The following COQ10B variants were observed in gnomAD, a reference collection of about 807,000 sequenced individuals.
The protein encoded by COQ10B is coenzyme Q-binding protein COQ10 homolog B, mitochondrial.
In COQ10B, 12 loss-of-function variants were observed where a neutral mutation model predicts 27.6. The ratio of observed to expected loss-of-function variants is 0.43; its 90% CI spans 0.28 to 0.70. The LOEUF is 0.70. COQ10B is among the 30% of genes least tolerant of loss of function. COQ10B has a pLI of 0.17. For missense variants in COQ10B, 278 were observed against 288.7 expected, an observed-to-expected ratio of 0.96 and a Z score of 0.27; for synonymous variants, 115 against 103.0, an observed-to-expected ratio of 1.12 and a Z score of -0.71.
intron 3 of COQ10B, among the ~76,000 whole-genome samples, chr2:197,465,727 A>G (rs1475840827): frequency 6.6e-6 from 1 of 152,142 alleles, no homozygotes; most frequent in African/African-American, 2.4e-5. Flanking sequence ...TACAGTGATC[A>G]TGCCTGTGAA....
chr2:197,462,934 G>A (rs1163477112), intron 3 of COQ10B, among the ~76,000 whole-genome samples: 2 of 152,064 alleles, frequency 1.3e-5, no homozygotes, highest in African/African-American at 4.8e-5. Context: ...TATGGGAATG[G>A]GAAACTTTTC....
intron 3 of COQ10B, among the ~76,000 whole-genome samples, chr2:197,464,935 G>A (rs1317488016): frequency 6.7e-6 from 1 of 148,906 alleles, no homozygotes; most frequent in African/African-American, 2.5e-5. Flanking sequence ...GTGCAGTGGC[G>A]CTTCCAGTGG....
intron 1 of COQ10B, among the ~76,000 whole-genome samples, chr2:197,458,679 T>A (rs991379922): frequency 2.6e-5 from 4 of 151,280 alleles, no homozygotes; most frequent in Non-Finnish European, 5.9e-5. Flanking sequence ...TTTTTTCTTT[T>A]CTCTTTTTTT....
In COQ10B at chr2:197,460,037, A is replaced by G; in HGVS notation, c.210A>G (p.Pro70=). The change falls in exon 2 of 5, where the codon CCA becomes CCG. Residue 70 remains proline, a synonymous_variant. Transcript: ENST00000263960. ...CARTFFKITA[P]LINKRKEYSE... is the part of the protein sequence containing the mutation. ...GAACTTTCTTCAAAATCACTGCACC[A>G]TTAATAAACAAAAGGAAAGAATATT... is the stretch of plus-strand genomic sequence containing the variant. 1.2e-6 allele frequency: 2 copies of G among 1,611,100 alleles called. No individual in the cohort carries two copies. Among genetic ancestry groups the G allele is most frequent in the Non-Finnish European group, 8.5e-7 (1 of 1,177,960 alleles).
intron 3 of COQ10B, among the ~76,000 whole-genome samples, chr2:197,467,118 T>A (rs2085832496): frequency 6.6e-6 from 1 of 151,272 alleles, no homozygotes; most frequent in South Asian, 2.1e-4. Flanking sequence ...AGCTAATTTT[T>A]GTATTTTTAG....
chr2:197,458,889 T>C (rs1277361027), intron 1 of COQ10B, among the ~76,000 whole-genome samples: 4 of 151,746 alleles, frequency 2.6e-5, no homozygotes, highest in African/African-American at 9.7e-5. Context: ...ACCATGTTAG[T>C]CAGGCTGGTC....
intron 2 of COQ10B, among the ~76,000 whole-genome samples, chr2:197,461,004 G>A (rs1235555718): frequency 6.6e-6 from 1 of 152,116 alleles, no homozygotes; most frequent in Non-Finnish European, 1.5e-5. Flanking sequence ...TTCTACAAAT[G>A]GCTCTTAATT....
chr2:197,463,964 AAT>A (rs879356506), intron 3 of COQ10B, among the ~76,000 whole-genome samples: 400 of 28,100 alleles, frequency 0.014, 6 homozygotes, highest in Middle Eastern at 0.023. Context: ...AAAAAAAAAA[AAT>A]ATATATATAT....
intron 3 of COQ10B, among the ~76,000 whole-genome samples, chr2:197,468,220 C>T (rs556064315): frequency 2.6e-5 from 4 of 151,934 alleles, no homozygotes; most frequent in Non-Finnish European, 4.4e-5. Flanking sequence ...GCGGGGGGAT[C>T]AGGAGGTCAG....
At position 197,473,861 on chromosome 2, in the gene COQ10B, G is replaced by A. The variant is rs772804354; in HGVS notation, c.654G>A (p.Lys218=). 1.2e-6 allele frequency: 2 copies of A among 1,603,642 alleles called. No homozygotes were observed. The highest frequency in any genetic ancestry group is 1.7e-6 in the Non-Finnish European group (2 of 1,173,316). ...CTGCCTTTGAAAGAAGAGCATGTAA[G>A]CTGTATGGTCCAGAAACAAATATAC... The part of the protein sequence containing the change: ...MVAAFERRAC[K]LYGPETNIPR... Residue 218 remains lysine, a synonymous_variant, in exon 5 of 5, where the codon AAG becomes AAA. Transcript: ENST00000263960.
At chr2:197,453,902 G>T in intron 1 of COQ10B, 1 of 1,501,118 alleles carries the variant, frequency 6.7e-7, no homozygotes, top group Non-Finnish European at 9.0e-7. Context: ...AATCATCGGC[G>T]AAGCGACTTT....
intron 4 of COQ10B, among the ~76,000 whole-genome samples, chr2:197,472,849 C>T (rs1471931921): frequency 6.6e-6 from 1 of 151,596 alleles, no homozygotes; most frequent in Admixed American, 6.6e-5. Context: ...ACACCATCTG[C>T]CCTGTGGGTT....
chr2:197,470,375 C>T (rs983436795), intron 4 of COQ10B, among the ~76,000 whole-genome samples: 1 of 152,184 alleles, frequency 6.6e-6, no homozygotes, highest in African/African-American at 2.4e-5. Context: ...TTGTAAGATA[C>T]ATGCCATGAC....
chr2:197,454,120 G>C, intron 1 of COQ10B: 1 of 1,550,874 alleles, frequency 6.4e-7, no homozygotes, highest in East Asian at 2.4e-5. Context: ...CTGAAAGAGT[G>C]CTTTGCCCTC....
chr2:197,466,496 A>G (rs2085826021), intron 3 of COQ10B, among the ~76,000 whole-genome samples: 3 of 152,120 alleles, frequency 2.0e-5, no homozygotes, highest in Admixed American at 2.0e-4. Context: ...TACTTGAGGG[A>G]AGGAGCCCCT....
intron 4 of COQ10B, 28 bp from the exon 5 acceptor site, chr2:197,473,714 AAAAATAATTTTTTCT>A: frequency 7.4e-7 from 1 of 1,352,834 alleles, no homozygotes; most frequent in Non-Finnish European, 9.7e-7. Flanking sequence ...AAAAAAAGCA[AAAAATAATTTTTTCT>A]AAAATAATTT....
At chr2:197,466,577 A>G (rs1241713831) in intron 3 of COQ10B, among the ~76,000 whole-genome samples, 1 of 152,220 alleles carries the variant, frequency 6.6e-6, no homozygotes, top group Non-Finnish European at 1.5e-5. Context: ...CTTACTTATG[A>G]AGCTTTCACT....
chr2:197,473,443 C>CATATATATAT (rs2085903911), intron 4 of COQ10B, among the ~76,000 whole-genome samples: 4 of 93,956 alleles, frequency 4.3e-5, no homozygotes. Context: ...TATATATATA[C>CATATATATAT]ACATATATAC....
intron 4 of COQ10B, among the ~76,000 whole-genome samples, chr2:197,470,462 A>G (rs545243707): frequency 6.6e-6 from 1 of 152,368 alleles, no homozygotes; most frequent in South Asian, 2.1e-4. Flanking sequence ...CACATTGCAT[A>G]TAAGATGCAG....
Sources: gnomAD v4.1 joint callset for allele counts (sites outside exome capture counted in the v4.1 genomes callset) on GRCh38, gnomAD v4.1.1 for gene constraint, MANE v1.5 for transcripts, NCBI Gene and HGNC (gene_info 2026-07-23, HGNC 2026-07-21) for gene names.